RYR2: variants seen among roughly 807,000 people sequenced by gnomAD.
The protein encoded by RYR2 is cardiac muscle ryanodine receptor-calcium release channel.
A neutral mutation model predicts 601.1 loss-of-function variants in RYR2; 227 were observed. The observed-to-expected ratio is 0.38, with a 90% confidence interval of 0.34 to 0.42. The LOEUF (loss-of-function observed/expected upper bound fraction) is 0.42, where lower values mean the gene tolerates loss of function less well. Among genes scored for constraint, RYR2 ranks in the 10% least tolerant of loss-of-function variants. The probability of loss-of-function intolerance (pLI) is 1.00; values close to 1 mark genes in which losing one functional copy is unlikely to be tolerated. For synonymous variants in RYR2, 2,223 were observed against 2,175.1 expected, an observed-to-expected ratio of 1.02 and a Z score of -0.61; for missense variants, 4,646 against 6,156.5, an observed-to-expected ratio of 0.75 and a Z score of 8.21.
chr1:237,279,074 A>G (rs1311575692), intron 2 of RYR2, among the ~76,000 whole-genome samples: 2 of 152,176 alleles, frequency 1.3e-5, no homozygotes, highest in East Asian at 3.8e-4. Context: ...TTTTTCATAG[A>G]GCAGAATAAC....
Position 237,742,336 on chromosome 1 carries a change from T to C in RYR2, c.11132T>C (p.Val3711Ala). The C allele has an allele frequency of 6.4e-7, 1 of 1,568,078 alleles. No individual in the cohort carries two copies. Residue 3711 changes from valine to alanine, a missense_variant, in exon 80 of 105, where the codon GTG (valine) becomes GCG (alanine). By Grantham distance (64) the Val-to-Ala change is moderately conservative. Coordinates refer to ENST00000366574, the MANE Select transcript of RYR2 (RefSeq NM_001035.3). ...GAAGATGACGATGGTGAAGAGGAAG[T>C]GAAGAGTTTTGAAGTAAGATGGATC... ...DEEDDDGEEE[V>A]KSFEEKEMEK...
rs1380113927 is a variant in RYR2, at chr1:237,833,535, A to AAAC, written c.*891_*893dup. 9 of 82,696 alleles carry AAAC rather than the reference A, an allele frequency of 1.1e-4. 1 individual carries two copies. Among genetic ancestry groups the AAAC allele is most frequent in the African/African-American group, 6.9e-4 (7 of 10,090 alleles). The allele number at this position is 82,696 out of a possible 1,614,324, so 5.1% of individuals were successfully genotyped here. On this transcript the variant is annotated 3_prime_UTR_variant, in exon 105 of 105. Coordinates refer to ENST00000366574, the MANE Select transcript of RYR2 (RefSeq NM_001035.3). Reference sequence around the variant, plus strand: ...TTAAATGAACAAAGAAAACCTTCAGAAACAAGTTGATCAACGTGAGAGAAA... The same window carrying AAAC: ...TTAAATGAACAAAGAAAACCTTCAGAAACAACAAGTTGATCAACGTGAGAGAAA...
chr1:237,664,471 T>G (rs1164972085), intron 56 of RYR2, among the ~76,000 whole-genome samples: 1 of 152,198 alleles, frequency 6.6e-6, no homozygotes, highest in Non-Finnish European at 1.5e-5. Context: ...TGCGGAGGCC[T>G]CACACTCATG....
At chr1:237,777,094 G>A (rs1029757257) in intron 87 of RYR2, among the ~76,000 whole-genome samples, 2 of 152,184 alleles carry the variant, frequency 1.3e-5, no homozygotes, top group Admixed American at 1.3e-4. Context: ...GAGCTCACAT[G>A]ATGGTTCTCC....
chr1:237,611,006 C>T lies in RYR2; in HGVS notation c.4910+18C>T. On this transcript the variant is annotated intron_variant, in intron 36 of 104. Coordinates refer to ENST00000366574, the MANE Select transcript of RYR2 (RefSeq NM_001035.3). ...GAAAACAGGTCAGCCCCAGTGAATCCCTGACATTCTGATTGGGACGCTTGG... is the reference window on the plus strand; with the variant it reads ...GAAAACAGGTCAGCCCCAGTGAATCTCTGACATTCTGATTGGGACGCTTGG... The T allele has an allele frequency of 3.8e-6, 6 of 1,599,220 alleles. No individual in the cohort carries two copies. In the South Asian group the frequency reaches 5.6e-5, roughly 15 times the overall value.
chr1:237,626,312 C>T (rs12131953), intron 40 of RYR2, among the ~76,000 whole-genome samples: 1 of 152,104 alleles, frequency 6.6e-6, no homozygotes, highest in Non-Finnish European at 1.5e-5. Context: ...CTGAGTAGGT[C>T]TGAGGGATCC....
chr1:237,798,531 ATTTTC>A lies in RYR2; in HGVS notation c.14090+364_14090+368del, dbSNP rs573021700. 3.3e-3 allele frequency among the ~76,000 whole-genome samples: 500 copies of A among 152,210 alleles called. 2 individuals carry two copies. The highest frequency in any genetic ancestry group is 0.012 in the African/African-American group (481 of 41,514). ...GTAATTCCTGTTTGAAAAAACGTTA[ATTTTC>A]TTATGTTTTGGAAAAGGGAACTATG... On this transcript the variant is annotated intron_variant, in intron 97 of 104. Transcript: ENST00000366574.
rs114289907 is a variant in RYR2, at chr1:237,792,064, A to G, written c.13564-41A>G. ...TGTCTTTTGCTTGCAATGGTATCTT[A>G]GATGCAGCAAACTGACTCTACTTTA... is the stretch of plus-strand genomic sequence containing the variant. On this transcript the variant is annotated intron_variant, in intron 93 of 104. Transcript: ENST00000366574. The G allele has an allele frequency of 0.037, 52,160 of 1,414,876 alleles. 1,389 individuals are homozygous for G. Among genetic ancestry groups the G allele is most frequent in the South Asian group, 0.11 (8,983 of 81,566 alleles). 87.6% of individuals were successfully genotyped at this position (1,414,876 alleles called of 1,614,324 possible).
At chr1:237,778,397 CA>C (rs5781993) in intron 87 of RYR2, among the ~76,000 whole-genome samples, 4 of 145,784 alleles carry the variant, frequency 2.7e-5, no homozygotes, top group East Asian at 2.0e-4. Context: ...AAAGCCAGAC[CA>C]AAAAAAAAAA....
At position 237,500,725 on chromosome 1, in the gene RYR2, A is replaced by G. The variant is rs779813798; in HGVS notation, c.2218A>G (p.Thr740Ala). The change falls in exon 21 of 105, where the codon ACT becomes GCT. Residue 740 changes from threonine to alanine, a missense_variant. Physicochemically the swap from Thr to Ala is moderately conservative, Grantham distance 58. Around this residue, in one of 17 missense-constraint regions of RYR2, gnomAD observed 1,807 missense variants for 2,088.1 expected, o/e 0.87. Transcript: ENST00000366574. ...CCCCCCAATAGGTTGTATTGCTCGT[A>G]CTGTAAGCTCACCAAACCAACATCT... ...LHLWSGCIAR[T>A]VSSPNQHLLR... 1 of 1,610,026 alleles carries G rather than the reference A, an allele frequency of 6.2e-7. No homozygotes were observed. Among genetic ancestry groups the G allele is most frequent in the Non-Finnish European group, 8.5e-7 (1 of 1,176,716 alleles).
Position 237,698,947 on chromosome 1 carries a change from A to AT in RYR2, c.9068-14dup. 6.7e-7 allele frequency: 1 copy of AT among 1,496,312 alleles called. No homozygotes were observed. The highest frequency in any genetic ancestry group is 9.1e-7 in the Non-Finnish European group (1 of 1,099,460). The allele number at this position is 1,496,312 out of a possible 1,614,324, so 92.7% of individuals were successfully genotyped here. ...AAATTCTCAGGGCAATTTATACAGC[A>AT]TTTTGTTTCCTCTTTAGGCAATGAT... On this transcript the variant is annotated splice_polypyrimidine_tract_variant and intron_variant, in intron 63 of 104. Transcript: ENST00000366574.
chr1:237,208,568 TA>T (rs1380748281), intron 1 of RYR2, among the ~76,000 whole-genome samples: 1 of 152,144 alleles, frequency 6.6e-6, no homozygotes, highest in Non-Finnish European at 1.5e-5. Context: ...ATTTCTGCTT[TA>T]TGGTGGCATA....
rs757595944 is a variant in RYR2, at chr1:237,482,811, C to T, written c.1709-8995C>T. On this transcript the variant is annotated intron_variant, in intron 17 of 104. Transcript: ENST00000366574. Reference sequence around the variant, plus strand: ...CATAGTGGTTGTACTAATTTACATTCCTACCAACAGTGCAGGAGGGTTCCC... The same window carrying T: ...CATAGTGGTTGTACTAATTTACATTTCTACCAACAGTGCAGGAGGGTTCCC... Among the ~76,000 whole-genome samples, 13 of 152,268 alleles carry T rather than the reference C, an allele frequency of 8.5e-5. No homozygotes were observed. In the South Asian group the frequency reaches 1.0e-3, roughly 12 times the overall value.
chr1:237,289,250 T>C (rs932527565), intron 2 of RYR2, among the ~76,000 whole-genome samples: 1 of 152,158 alleles, frequency 6.6e-6, no homozygotes, highest in Non-Finnish European at 1.5e-5. Flanking sequence ...GATCTGGGTC[T>C]AAAATTAACA....
chr1:237,061,499 A>G (rs1662889168), intron 1 of RYR2, among the ~76,000 whole-genome samples: 1 of 152,156 alleles, frequency 6.6e-6, no homozygotes, highest in Non-Finnish European at 1.5e-5. Context: ...TTTTGTAGAG[A>G]TGAGGTCTTA....
intron 57 of RYR2, among the ~76,000 whole-genome samples, 192 bp downstream of exon 57, chr1:237,666,781 G>A (rs1029962877): frequency 7.9e-5 from 12 of 151,972 alleles, no homozygotes; most frequent in Admixed American, 1.3e-4. Flanking sequence ...GTGGTGGCAC[G>A]TGCCTATAGT....
intron 56 of RYR2, among the ~76,000 whole-genome samples, chr1:237,664,815 G>C (rs1684151474): frequency 6.6e-6 from 1 of 152,218 alleles, no homozygotes; most frequent in Non-Finnish European, 1.5e-5. Context: ...GACCATAGGA[G>C]TGCTGGGGAC....
At chr1:237,484,540 C>T (rs925093155) in intron 17 of RYR2, among the ~76,000 whole-genome samples, 6 of 152,172 alleles carry the variant, frequency 3.9e-5, no homozygotes, top group Non-Finnish European at 5.9e-5. Flanking sequence ...TGCCTACTTG[C>T]GATGGGGCAA....
At chr1:237,666,050 A>G (rs1684301256) in intron 56 of RYR2, among the ~76,000 whole-genome samples, 1 of 152,202 alleles carries the variant, frequency 6.6e-6, no homozygotes, top group South Asian at 2.1e-4. Context: ...TTCCAAGTGC[A>G]TTGCTGAATA....
Sources: gnomAD v4.1 joint callset for allele counts (sites outside exome capture counted in the v4.1 genomes callset) on GRCh38, gnomAD v4.1.1 for gene constraint, gnomAD v4.1.1 regional missense constraint, MANE v1.5 for transcripts, NCBI Gene and HGNC (gene_info 2026-07-23, HGNC 2026-07-21) for gene names.